The following DNER variants were observed in gnomAD, a reference collection of about 807,000 sequenced individuals.
DNER encodes the protein delta/notch like EGF repeat containing.
In DNER, 33 loss-of-function variants were observed where a neutral mutation model predicts 78.2. That is an observed-to-expected ratio of 0.42 (90% CI 0.32 to 0.56). The LOEUF (loss-of-function observed/expected upper bound fraction) is 0.56, where lower values mean the gene tolerates loss of function less well. DNER is among the 20% of genes least tolerant of loss of function. The pLI, the probability that DNER is intolerant of heterozygous loss-of-function variation, is 0.11. For missense variants in DNER, 918 were observed against 975.3 expected, an observed-to-expected ratio of 0.94 and a Z score of 0.78; for synonymous variants, 417 against 384.8, an observed-to-expected ratio of 1.08 and a Z score of -0.98.
chr2:229,641,066 T>C (rs1698612955), intron 1 of DNER, among the ~76,000 whole-genome samples: 1 of 152,106 alleles, frequency 6.6e-6, no homozygotes, highest in Non-Finnish European at 1.5e-5. Flanking sequence ...CTAGAGGTCT[T>C]GTTGAAGTTG....
intron 1 of DNER, among the ~76,000 whole-genome samples, chr2:229,609,826 AAAT>A (rs1380783315): frequency 6.6e-6 from 1 of 152,206 alleles, no homozygotes; most frequent in Non-Finnish European, 1.5e-5. Context: ...AAAAATGGCT[AAAT>A]AATTGTGGAG....
chr2:229,423,629 A>G (rs1206314322), intron 8 of DNER, among the ~76,000 whole-genome samples: 2 of 151,996 alleles, frequency 1.3e-5, no homozygotes, highest in African/African-American at 4.8e-5. Context: ...AAAAAAAAAA[A>G]AAGATATACT....
intron 8 of DNER, among the ~76,000 whole-genome samples, chr2:229,431,932 C>T (rs549787106): frequency 1.3e-5 from 2 of 152,246 alleles, no homozygotes; most frequent in East Asian, 3.9e-4. Flanking sequence ...TATTTCTCTA[C>T]AGCTTGCAAA....
chr2:229,471,106 G>A (rs1309346021), intron 7 of DNER, among the ~76,000 whole-genome samples: 1 of 151,784 alleles, frequency 6.6e-6, no homozygotes, highest in Non-Finnish European at 1.5e-5. Context: ...TTCTAATAGA[G>A]TGCTTTCACC....
intron 8 of DNER, among the ~76,000 whole-genome samples, chr2:229,445,492 C>T (rs1016419998): frequency 2.2e-4 from 33 of 152,330 alleles, no homozygotes; most frequent in African/African-American, 7.2e-4. Flanking sequence ...CGCTCAAACA[C>T]TAATCTAGAT....
chr2:229,681,149 A>C (rs368198465), intron 1 of DNER, among the ~76,000 whole-genome samples: 2 of 152,236 alleles, frequency 1.3e-5, no homozygotes, highest in East Asian at 3.8e-4. Context: ...TATGGCCAAT[A>C]CCAACATGAT....
chr2:229,609,901 A>C (rs1307927256), intron 1 of DNER, among the ~76,000 whole-genome samples: 1 of 152,240 alleles, frequency 6.6e-6, no homozygotes, highest in African/African-American at 2.4e-5. Context: ...TCTTCTTCCC[A>C]GAATTATATC....
At chr2:229,365,705 G>C (rs1210245434) in intron 12 of DNER, among the ~76,000 whole-genome samples, 1 of 152,176 alleles carries the variant, frequency 6.6e-6, no homozygotes, top group Admixed American at 6.5e-5. Flanking sequence ...CAATGTGCTG[G>C]GATTGCAGGC....
At chr2:229,382,041 C>T (rs1392273877) in intron 11 of DNER, among the ~76,000 whole-genome samples, 1 of 152,164 alleles carries the variant, frequency 6.6e-6, no homozygotes, top group African/African-American at 2.4e-5. Flanking sequence ...GGCAGGTGAC[C>T]CTCTGGGAAG....
intron 6 of DNER, among the ~76,000 whole-genome samples, chr2:229,506,316 T>A (rs185538792): frequency 2.0e-5 from 3 of 152,168 alleles, no homozygotes; most frequent in African/African-American, 7.2e-5. Context: ...AATCTTGTAA[T>A]GAATTACTAT....
intron 5 of DNER, among the ~76,000 whole-genome samples, chr2:229,522,645 A>G (rs1452549654): frequency 5.3e-5 from 8 of 152,236 alleles, no homozygotes; most frequent in Admixed American, 5.2e-4. Flanking sequence ...AGAAATGAAA[A>G]TTGTTATGTA....
At chr2:229,463,758 T>C (rs905226885) in intron 7 of DNER, among the ~76,000 whole-genome samples, 1 of 152,208 alleles carries the variant, frequency 6.6e-6, no homozygotes, top group Non-Finnish European at 1.5e-5. Flanking sequence ...AAATGGTTTA[T>C]GAAGTATTCT....
intron 5 of DNER, among the ~76,000 whole-genome samples, chr2:229,543,051 T>C (rs1696547516): frequency 6.7e-6 from 1 of 150,290 alleles, no homozygotes; most frequent in South Asian, 2.1e-4. Context: ...ACACCTGAGG[T>C]GGAACTGGGA....
In DNER at chr2:229,534,718, C is replaced by T. The variant is rs114331415; in HGVS notation, c.993+12229G>A. Among the ~76,000 whole-genome samples the T allele has an allele frequency of 3.1e-3, 469 of 152,102 alleles. 4 individuals are homozygous for T. Among genetic ancestry groups the T allele is most frequent in the African/African-American group, 0.011 (452 of 41,478 alleles). The stretch of plus-strand genomic sequence containing the variant: ...GAAATTTGTAAAACTGAAAACAATG[C>T]CAGTCTTCTATATTGTTTTGTTTTA... On this transcript the variant is annotated intron_variant, in intron 5 of 12. Coordinates refer to ENST00000341772, the MANE Select transcript of DNER (RefSeq NM_139072.4).
At chr2:229,493,911 A>T (rs1695453260) in intron 6 of DNER, among the ~76,000 whole-genome samples, 1 of 152,222 alleles carries the variant, frequency 6.6e-6, no homozygotes, top group Non-Finnish European at 1.5e-5. Flanking sequence ...CTGCTGGCTC[A>T]GAAGCTGTGG....
chr2:229,372,092 G>A (rs1692496648), intron 11 of DNER, among the ~76,000 whole-genome samples: 1 of 152,328 alleles, frequency 6.6e-6, no homozygotes, highest in East Asian at 1.9e-4. Context: ...CCTTTATGGG[G>A]ATCCATTCAC....
intron 12 of DNER, among the ~76,000 whole-genome samples, chr2:229,363,795 A>C (rs1033512846): frequency 5.9e-5 from 9 of 152,114 alleles, no homozygotes; most frequent in Admixed American, 3.9e-4. Flanking sequence ...GCTGAGTTAA[A>C]CACTCCACCA....
At chr2:229,490,652 A>C (rs562068177) in intron 6 of DNER, among the ~76,000 whole-genome samples, 1 of 152,292 alleles carries the variant, frequency 6.6e-6, no homozygotes, top group East Asian at 1.9e-4. Context: ...AATGCCCTAA[A>C]GCTGATTATG....
At chr2:229,531,837 T>C (rs1462812117) in intron 5 of DNER, among the ~76,000 whole-genome samples, 2 of 152,186 alleles carry the variant, frequency 1.3e-5, no homozygotes, top group Non-Finnish European at 2.9e-5. Context: ...AGTAGGGAAG[T>C]ACTCATACAT....
Sources: allele counts gnomAD v4.1 joint callset (sites outside exome capture counted in the v4.1 genomes callset), GRCh38; gene constraint gnomAD v4.1.1; transcripts MANE v1.5; gene names NCBI Gene and HGNC (gene_info 2026-07-23, HGNC 2026-07-21).